Variants in DNAI7 observed in about 807,000 individuals in gnomAD.
The protein encoded by DNAI7 is dynein axonemal intermediate chain 7.
Under a neutral mutation model 86.6 loss-of-function variants are expected in DNAI7, and 78 were observed. That is an observed-to-expected ratio of 0.90 (90% CI 0.75 to 1.09). DNAI7 has a LOEUF of 1.09. DNAI7 is among the 50% of genes least tolerant of loss of function. The pLI, the probability that DNAI7 is intolerant of heterozygous loss-of-function variation, is 0.00. For synonymous variants in DNAI7, 274 were observed against 273.0 expected (o/e 1.00, Z -0.04); for missense variants, 753 against 810.2 (o/e 0.93, Z 0.86).
chr12:25,140,367 G>A (rs915239733), intron 9 of DNAI7, among the ~76,000 whole-genome samples: 1 of 152,032 alleles, frequency 6.6e-6, no homozygotes, highest in Admixed American at 6.6e-5. Context: ...CAAAATCAAT[G>A]TACACAAATC....
rs137943312 is a variant in DNAI7, at chr12:25,153,146, T to G, written c.438+1173A>C. ...TTTTGATTCACTCCTCATTAAAAAT[T>G]CTTGGCTAGGTGCAGTGGTAATCCT... On this transcript the variant is annotated intron_variant, in intron 6 of 15. Coordinates refer to ENST00000395987, the MANE Select transcript of DNAI7 (RefSeq NM_018272.5). Among the ~76,000 whole-genome samples the G allele has an allele frequency of 5.9e-5, 9 of 152,286 alleles. No individual in the cohort carries two copies. The East Asian group carries it at 1.7e-3, about 29-fold the overall frequency.
At chr12:25,128,913 C>A (rs141300664) in intron 9 of DNAI7, among the ~76,000 whole-genome samples, 1 of 152,102 alleles carries the variant, frequency 6.6e-6, no homozygotes, top group South Asian at 2.1e-4. Flanking sequence ...CTCCTACTTA[C>A]CACCCTCTAA....
At position 25,147,015 on chromosome 12, in the gene DNAI7, G is replaced by C. The variant is rs764878545; in HGVS notation, c.675C>G (p.Leu225=). 4 of 1,577,812 alleles carry C rather than the reference G, an allele frequency of 2.5e-6. No individual in the cohort carries two copies. The highest frequency in any genetic ancestry group is 2.2e-5 in the South Asian group (2 of 90,288). Residue 225 remains leucine (L), a synonymous_variant, in exon 8 of 16, where the codon CTC becomes CTG. Transcript: ENST00000395987. ...ENVTLYVWAN[L]KKNPRHRSVR... is the part of the protein sequence containing the mutation. Reference sequence around the variant, plus strand: ...CACAAGGGTACCTTGGATTCTTCTTGAGGTTTGCCCACACATACAGAGTAA... The same window carrying C: ...CACAAGGGTACCTTGGATTCTTCTTCAGGTTTGCCCACACATACAGAGTAA...
intron 9 of DNAI7, among the ~76,000 whole-genome samples, chr12:25,135,854 G>C (rs530119340): frequency 3.4e-5 from 5 of 149,196 alleles, no homozygotes; most frequent in Non-Finnish European, 5.9e-5. Context: ...AGCAACCCCC[G>C]CCCAAGGAGA....
At chr12:25,114,469 C>G (rs1939657424) in intron 13 of DNAI7, among the ~76,000 whole-genome samples, 187 bp downstream of exon 13, 3 of 152,074 alleles carry the variant, frequency 2.0e-5, no homozygotes, top group Admixed American at 6.5e-5. Context: ...ATGTTATTGC[C>G]TATTTAATTA....
chr12:25,192,465 G>A (rs190488649), intron 1 of DNAI7, among the ~76,000 whole-genome samples: 39 of 152,320 alleles, frequency 2.6e-4, no homozygotes, highest in Non-Finnish European at 5.4e-4. Context: ...GACTAAACGT[G>A]TGTATGCTCA....
intron 2 of DNAI7, among the ~76,000 whole-genome samples, chr12:25,166,868 A>G (rs551047835): frequency 6.6e-6 from 1 of 152,122 alleles, no homozygotes; most frequent in East Asian, 1.9e-4. Flanking sequence ...CAGTTCTCAT[A>G]ACTTCCAAAA....
At chr12:25,135,129 A>G (rs1211793382) in intron 9 of DNAI7, among the ~76,000 whole-genome samples, 1 of 152,208 alleles carries the variant, frequency 6.6e-6, no homozygotes, top group African/African-American at 2.4e-5. Context: ...AAACTCCATG[A>G]GACAGCCAAA....
rs111705704 is a variant in DNAI7 at position 25,136,664 on chromosome 12, A to G, written c.1002+7701T>C. 1.4e-3 allele frequency among the ~76,000 whole-genome samples: 211 copies of G among 152,338 alleles called. 1 individual carries two copies. The highest frequency in any genetic ancestry group is 4.9e-3 in the African/African-American group (205 of 41,582). On this transcript the variant is annotated intron_variant, in intron 9 of 15. Transcript: ENST00000395987. The stretch of plus-strand genomic sequence containing the variant: ...CCAACTTAAAGAAATTGTAAAAATG[A>G]TACAGGCGATGGATAAAAAAATCTC...
chr12:25,150,421 A>G (rs960126554), intron 6 of DNAI7, among the ~76,000 whole-genome samples: 1 of 151,954 alleles, frequency 6.6e-6, no homozygotes, highest in East Asian at 1.9e-4. Context: ...TGGCTAACAC[A>G]GTGAAACCCC....
Position 25,144,349 on chromosome 12 carries a change from T to G in DNAI7, c.1002+16A>C. On this transcript the variant is annotated intron_variant, in intron 9 of 15. Transcript: ENST00000395987. ...CTGCATGAATAAAAAAATGTGTATA[T>G]TTAAATGTGTCCTACCATTTTCACT... 6.3e-7 allele frequency: 1 copy of G among 1,594,080 alleles called. No individual in the cohort carries two copies. Among genetic ancestry groups the G allele is most frequent in the African/African-American group, 1.3e-5 (1 of 74,364 alleles).
intron 2 of DNAI7, among the ~76,000 whole-genome samples, chr12:25,178,518 A>T (rs7300015): frequency 0.041 from 6,169 of 152,242 alleles, 420 homozygotes; most frequent in African/African-American, 0.13. Context: ...AAAGAAATCT[A>T]CTGTGACTTG....
chr12:25,112,429 C>T lies in DNAI7; in HGVS notation c.1612-490G>A, dbSNP rs545875534. On this transcript the variant is annotated intron_variant, in intron 13 of 15. Coordinates refer to ENST00000395987, the MANE Select transcript of DNAI7 (RefSeq NM_018272.5). ...TTTTTTTTTTTTTTTTTTTTTGAGA[C>T]GGAGTCTCCCTCTGTCGCCCAGGCT... Among the ~76,000 whole-genome samples, 310 of 103,768 alleles carry T rather than the reference C, an allele frequency of 3.0e-3. 1 individual carries two copies. The highest frequency in any genetic ancestry group is 0.012 in the African/African-American group (289 of 23,538). 68.1% of individuals were successfully genotyped at this position (103,768 alleles called of 152,430 possible).
chr12:25,166,211 T>C (rs1286087633), intron 2 of DNAI7, among the ~76,000 whole-genome samples: 1 of 152,208 alleles, frequency 6.6e-6, no homozygotes, highest in Non-Finnish European at 1.5e-5. Context: ...TTTTAAAGCC[T>C]ATAAACTCTC....
chr12:25,175,571 C>T (rs930723500), intron 2 of DNAI7, among the ~76,000 whole-genome samples: 1 of 151,302 alleles, frequency 6.6e-6, no homozygotes, highest in African/African-American at 2.4e-5. Flanking sequence ...TGGTCTCAAA[C>T]TCCTGACCTC....
At chr12:25,118,062 T>C (rs928018034) in intron 12 of DNAI7, among the ~76,000 whole-genome samples, 1 of 151,080 alleles carries the variant, frequency 6.6e-6, no homozygotes, top group African/African-American at 2.4e-5. Context: ...GCCTCCCAAG[T>C]AGCTGGGACT....
chr12:25,108,159 A>G, downstream of DNAI7: 1 of 1,331,616 alleles, frequency 7.5e-7, no homozygotes, highest in Non-Finnish European at 1.0e-6. Flanking sequence ...GCATGAAACC[A>G]GAGGTTCTCA....
At chr12:25,148,563 T>C (rs1006770639) in intron 7 of DNAI7, among the ~76,000 whole-genome samples, 1 of 152,144 alleles carries the variant, frequency 6.6e-6, no homozygotes. Flanking sequence ...GATTGAAAAA[T>C]GGTGATTTCC....
intron 9 of DNAI7, among the ~76,000 whole-genome samples, chr12:25,128,527 C>T (rs1001968075): frequency 2.6e-4 from 39 of 152,150 alleles, no homozygotes; most frequent in Middle Eastern, 3.2e-3. Flanking sequence ...GTCTGACTTT[C>T]CTCTGAACTC....
Sources: allele counts gnomAD v4.1 joint callset (sites outside exome capture counted in the v4.1 genomes callset), GRCh38; gene constraint gnomAD v4.1.1; transcripts MANE v1.5; gene names NCBI Gene and HGNC (gene_info 2026-07-23, HGNC 2026-07-21).